The following COPZ2 variants were observed in gnomAD, a reference collection of about 807,000 sequenced individuals.
The protein encoded by COPZ2 is coatomer subunit zeta-2.
A neutral mutation model predicts 33.2 loss-of-function variants in COPZ2; 30 were observed. That is an observed-to-expected ratio of 0.90 (90% CI 0.68 to 1.23). The LOEUF is 1.23. COPZ2 is among the 50% of genes most tolerant of loss of function. COPZ2 has a pLI of 0.00. For synonymous variants in COPZ2, 89 were observed against 102.6 expected, an observed-to-expected ratio of 0.87 and a Z score of 0.80; for missense variants, 263 against 262.4, an observed-to-expected ratio of 1.00 and a Z score of -0.02.
chr17:48,033,832 T>TA (rs1243635811), intron 3 of COPZ2, 31 bp downstream of exon 3: 9 of 1,516,800 alleles, frequency 5.9e-6, no homozygotes, highest in Non-Finnish European at 8.2e-6. Flanking sequence ...GTGCATCTGA[T>TA]AGTCTGCTGG....
At chr17:48,038,980 A>G (rs577258958), upstream of COPZ2, among the ~76,000 whole-genome samples, 1 of 151,882 alleles carries the variant, frequency 6.6e-6, no homozygotes, top group Non-Finnish European at 1.5e-5. Context: ...ATTTTTACTA[A>G]TATTGCTTGT....
chr17:48,033,900 G>A lies in COPZ2; in HGVS notation c.231C>T (p.Phe77=), dbSNP rs527779105. 3.1e-4 allele frequency: 502 copies of A among 1,611,980 alleles called. 6 individuals carry two copies. In the South Asian group the frequency reaches 4.6e-3, roughly 15 times the overall value. Residue 77 remains phenylalanine (F), a synonymous_variant, in exon 3 of 9, where the codon TTC becomes TTT. Transcript: ENST00000621465. ...TGGTCTTGTTGAAGACATTTTTCTC[G>A]AAAACCATCTGCTCCTTCATGGAGG... ...TFPSMKEQMV[F]EKNVFNKTSR...
At chr17:48,029,573 T>C (rs975608539) in intron 6 of COPZ2, 9 of 269,670 alleles carry the variant, frequency 3.3e-5, no homozygotes, top group African/African-American at 2.0e-4. Flanking sequence ...GGGGTTCTTA[T>C]CTTGTTGCAC....
rs1474795598 is a variant in COPZ2, at chr17:48,026,357, C to G, written c.*71G>C. 5.4e-6 allele frequency: 7 copies of G among 1,288,528 alleles called. No individual in the cohort carries two copies. Among genetic ancestry groups the G allele is most frequent in the South Asian group, 1.2e-5 (1 of 82,434 alleles). 79.8% of individuals were successfully genotyped at this position (1,288,528 alleles called of 1,614,324 possible). Reference sequence around the variant, plus strand: ...GGATACAGAGGGGTCTCTCCTGACCCTGGGATCTTTGGGCTTTTGCCAGGA... The same window carrying G: ...GGATACAGAGGGGTCTCTCCTGACCGTGGGATCTTTGGGCTTTTGCCAGGA... On this transcript the variant is annotated 3_prime_UTR_variant, in exon 9 of 9. Coordinates refer to ENST00000621465, the MANE Select transcript of COPZ2 (RefSeq NM_016429.4).
In COPZ2 at chr17:48,033,158, C is replaced by T. The variant is rs1327106991; in HGVS notation, c.360+53G>A. ...AGCCTCAAGCCCAGATTCCAAATAA[C>T]AACATTTCCCCATAGACAGACCCTT... On this transcript the variant is annotated intron_variant, in intron 4 of 8. Coordinates refer to ENST00000621465, the MANE Select transcript of COPZ2 (RefSeq NM_016429.4). 2.4e-6 allele frequency: 3 copies of T among 1,261,868 alleles called. No homozygotes were observed. In the East Asian group the frequency reaches 7.2e-5, roughly 30 times the overall value. The allele number at this position is 1,261,868 out of a possible 1,614,324, so 78.2% of individuals were successfully genotyped here. A position where few individuals can be genotyped will look rare whatever the true frequency, so the allele number is the denominator to read the frequency against.
At chr17:48,043,092 C>T in the COPZ2 span, among the ~76,000 whole-genome samples, 4 of 152,208 alleles carry the variant, frequency 2.6e-5, no homozygotes, top group Non-Finnish European at 5.9e-5. Flanking sequence ...GGAGAGCCTC[C>T]CCAGCTCGAG....
At chr17:48,035,463 A>G (rs1380189844) in intron 2 of COPZ2, among the ~76,000 whole-genome samples, 1 of 152,198 alleles carries the variant, frequency 6.6e-6, no homozygotes, top group East Asian at 1.9e-4. Flanking sequence ...TAGCTCGATC[A>G]TGGCTCACTG....
At chr17:48,041,783 T>A (rs1387938576), upstream of COPZ2, among the ~76,000 whole-genome samples, 1 of 151,054 alleles carries the variant, frequency 6.6e-6, no homozygotes, top group African/African-American at 2.4e-5. Flanking sequence ...TATTTTGATG[T>A]CTTAATATTT....
chr17:48,039,639 C>T (rs1397751463), upstream of COPZ2, among the ~76,000 whole-genome samples: 2 of 152,080 alleles, frequency 1.3e-5, no homozygotes, highest in South Asian at 2.1e-4. Flanking sequence ...GGGATACAGG[C>T]GTGAACCACC....
chr17:48,040,816 A>G (rs1465604794), upstream of COPZ2, among the ~76,000 whole-genome samples: 1 of 152,138 alleles, frequency 6.6e-6, no homozygotes, highest in African/African-American at 2.4e-5. Flanking sequence ...ATTCACAAAT[A>G]CCAAATTTTA....
chr17:48,031,633 C>T (rs2036896232), intron 6 of COPZ2: 1 of 154,402 alleles, frequency 6.5e-6, no homozygotes, highest in Non-Finnish European at 1.4e-5. Context: ...GAATGAGAAC[C>T]ACAAGCTTCA....
Position 48,028,722 on chromosome 17 carries a change from A to G in COPZ2, c.547-212T>C, listed in dbSNP as rs1308457149. 1.3e-5 allele frequency among the ~76,000 whole-genome samples: 2 copies of G among 152,094 alleles called. No homozygotes were observed. The highest frequency in any genetic ancestry group is 4.8e-5 in the African/African-American group (2 of 41,412). On this transcript the variant is annotated intron_variant, in intron 7 of 8. Transcript: ENST00000621465. This position sits in a 1 kb window ranked among gnomAD's most constrained non-coding sequence, Gnocchi z 4.5. Reference sequence around the variant, plus strand: ...ATTGTGCTATGGTGCGTGGAGGGTGAGGGAAGATGGGAAGAAAGATGGGAA... The same window carrying G: ...ATTGTGCTATGGTGCGTGGAGGGTGGGGGAAGATGGGAAGAAAGATGGGAA...
rs2036846366 is a variant in COPZ2, at chr17:48,028,471, C to A, written c.585+1G>T. 6.2e-7 allele frequency: 1 copy of A among 1,609,240 alleles called. No homozygotes were observed. The highest frequency in any genetic ancestry group is 1.1e-5 in the South Asian group (1 of 89,886). On this transcript the variant is annotated splice_donor_variant, in intron 8 of 8. Coordinates refer to ENST00000621465, the MANE Select transcript of COPZ2 (RefSeq NM_016429.4). LOFTEE classifies it high-confidence loss of function. The surrounding 1 kb of genome is among the most constrained non-coding windows in gnomAD (Gnocchi z 4.5). ...GCCAAGGCAGATGCAGGGGGGCCTA[C>A]CTGGGCCACACTCTGTTCAGTCAAG...
In COPZ2 at chr17:48,037,683, T is replaced by C. The variant is rs2144317298; in HGVS notation, c.95A>G (p.Glu32Gly). 1 of 1,074,570 alleles carries C rather than the reference T, an allele frequency of 9.3e-7. No individual in the cohort carries two copies. Among genetic ancestry groups the C allele is most frequent in the East Asian group, 6.2e-5 (1 of 16,100 alleles). The allele number at this position is 1,074,570 out of a possible 1,614,324, so 66.6% of individuals were successfully genotyped here. ...GGPAPPARAG[E>G]PSGLRLQEPS... ...GCTCCGTACCCGCAGCCCCGAGGGC[T>C]CCCCGGCTCGAGCAGGCGGCGCCGG... The change falls in exon 1 of 9, where the codon GAG (glutamate) becomes GGG (glycine). Residue 32 changes from glutamate to glycine, a missense_variant. Coordinates refer to ENST00000621465, the MANE Select transcript of COPZ2 (RefSeq NM_016429.4). This position sits in a 1 kb window ranked among gnomAD's most constrained non-coding sequence, Gnocchi z 5.6.
At chr17:48,036,314 A>C (rs1384322261) in intron 2 of COPZ2, among the ~76,000 whole-genome samples, 10 of 152,186 alleles carry the variant, frequency 6.6e-5, no homozygotes, top group Admixed American at 4.6e-4. Flanking sequence ...TTGAGTTTGG[A>C]TCTGTTAGGA....
Position 48,027,366 on chromosome 17 carries a change from C to T in COPZ2, c.586-891G>A, listed in dbSNP as rs76071090. Among the ~76,000 whole-genome samples, 1,315 of 152,314 alleles carry T rather than the reference C, an allele frequency of 8.6e-3. 23 individuals carry two copies. The highest frequency in any genetic ancestry group is 0.03 in the African/African-American group (1,266 of 41,566). ...TTGGAGCCCTACTAAGAGCTTGTCA[C>T]GCATTGGCTCATTGAATTCTCATAA... On this transcript the variant is annotated intron_variant, in intron 8 of 8. Coordinates refer to ENST00000621465, the MANE Select transcript of COPZ2 (RefSeq NM_016429.4).
chr17:48,029,924 C>T (rs1048991963), intron 6 of COPZ2, among the ~76,000 whole-genome samples: 12 of 151,302 alleles, frequency 7.9e-5, no homozygotes, highest in Non-Finnish European at 1.5e-4. Context: ...GCCAAGATTG[C>T]GCCACTGCAC....
At chr17:48,038,624 C>A (rs1378606206), upstream of COPZ2, among the ~76,000 whole-genome samples, 1 of 152,154 alleles carries the variant, frequency 6.6e-6, no homozygotes, top group African/African-American at 2.4e-5. Context: ...GCATAATGGA[C>A]CCTCATTTTA....
At chr17:48,040,435 T>A (rs2037050523), upstream of COPZ2, among the ~76,000 whole-genome samples, 1 of 61,470 alleles carries the variant, frequency 1.6e-5, no homozygotes, top group South Asian at 4.5e-4. Context: ...GGTGACAGAT[T>A]TTTTTTTTTT....
Sources: gnomAD v4.1 joint callset for allele counts (sites outside exome capture counted in the v4.1 genomes callset) on GRCh38, gnomAD v4.1.1 for gene constraint, Gnocchi (gnomAD v3.1) non-coding constraint, MANE v1.5 for transcripts, NCBI Gene and HGNC (gene_info 2026-07-23, HGNC 2026-07-21) for gene names.